Variants in SNPH observed in about 807,000 individuals in gnomAD.
SNPH encodes the protein syntaphilin.
A neutral mutation model predicts 36.8 loss-of-function variants in SNPH; 10 were observed. The observed-to-expected ratio is 0.27, with a 90% CI of 0.17 to 0.46. The LOEUF (loss-of-function observed/expected upper bound fraction) is 0.46, where lower values mean the gene tolerates loss of function less well. Ranked by LOEUF, SNPH falls within the 20% of genes least tolerant of loss-of-function variation. SNPH has a pLI of 1.00. For synonymous variants in SNPH, 281 were observed against 312.2 expected (o/e 0.90, Z 1.05); for missense variants, 622 against 744.0 (o/e 0.84, Z 1.91).
Position 1,304,840 on chromosome 20 carries a change from G to A in SNPH, c.441-38G>A. Reference sequence around the variant, plus strand: ...TCCTTGGCGGTGACAGACCAGGCAGGCAGGCAGTGAGCGTGTGTGTGTCTC... The same window carrying A: ...TCCTTGGCGGTGACAGACCAGGCAGACAGGCAGTGAGCGTGTGTGTGTCTC... On this transcript the variant is annotated intron_variant, in intron 6 of 6. Coordinates refer to ENST00000381867, the MANE Select transcript of SNPH (RefSeq NM_001318234.2). This position sits in a 1 kb window ranked among gnomAD's most constrained non-coding sequence, Gnocchi z 4.3. 3 of 1,583,426 alleles carry A rather than the reference G, an allele frequency of 1.9e-6. No homozygotes were observed. The highest frequency in any genetic ancestry group is 2.6e-6 in the Non-Finnish European group (3 of 1,159,702).
chr20:1,268,334 C>T (rs1017786551), intron 2 of SNPH, among the ~76,000 whole-genome samples: 1 of 152,176 alleles, frequency 6.6e-6, no homozygotes, highest in African/African-American at 2.4e-5. Flanking sequence ...ATCAGGTCTT[C>T]CGGATCTCAC....
chr20:1,273,206 A>C (rs1396352343), intron 2 of SNPH, among the ~76,000 whole-genome samples: 1 of 152,070 alleles, frequency 6.6e-6, no homozygotes, highest in Non-Finnish European at 1.5e-5. Flanking sequence ...TGCAGAGGAA[A>C]AGTTGGGATC....
At chr20:1,273,573 T>C (rs1327533111) in intron 2 of SNPH, among the ~76,000 whole-genome samples, 2 of 152,036 alleles carry the variant, frequency 1.3e-5, no homozygotes, top group Admixed American at 1.3e-4. Flanking sequence ...GCCTGACACA[T>C]AGAAATATTA....
intron 5 of SNPH, among the ~76,000 whole-genome samples, chr20:1,299,866 C>T (rs2088483501): frequency 1.3e-5 from 2 of 152,208 alleles, no homozygotes; most frequent in South Asian, 4.1e-4. Flanking sequence ...GCATGTAGTG[C>T]TCACCCACGT....
chr20:1,270,462 G>A (rs1288845810), intron 2 of SNPH, among the ~76,000 whole-genome samples: 1 of 152,078 alleles, frequency 6.6e-6, no homozygotes, highest in Admixed American at 6.5e-5. Context: ...TTGGCATTGA[G>A]CTTGTGAATA....
intron 2 of SNPH, among the ~76,000 whole-genome samples, chr20:1,288,518 G>T (rs2088310519): frequency 6.6e-6 from 1 of 152,198 alleles, no homozygotes; most frequent in Non-Finnish European, 1.5e-5. Context: ...AAAGAGCAGT[G>T]CTCCTCATGG....
chr20:1,294,982 C>T lies in SNPH; in HGVS notation c.-465+4C>T, dbSNP rs193257424. 1.4e-3 allele frequency: 220 copies of T among 152,806 alleles called. 3 individuals are homozygous for T. The highest frequency in any genetic ancestry group is 1.7e-3 in the African/African-American group (71 of 41,514). The allele number at this position is 152,806 out of a possible 1,614,324, so 9.5% of individuals were successfully genotyped here. On this transcript the variant is annotated splice_donor_region_variant and intron_variant, in intron 3 of 6. Transcript: ENST00000381867. The surrounding 1 kb of genome is among the most constrained non-coding windows in gnomAD (Gnocchi z 4.4). ...TGAGAGGAGTCAATGGCATAATGTA[C>T]GTAGCGTGGTTGGCACGAGGTCTGG... is the stretch of plus-strand genomic sequence containing the variant.
intron 2 of SNPH, among the ~76,000 whole-genome samples, chr20:1,280,677 C>T (rs1361468407): frequency 1.3e-5 from 2 of 152,178 alleles, no homozygotes; most frequent in African/African-American, 2.4e-5. Context: ...GGTCTCCATA[C>T]TGTACCAGGC....
chr20:1,280,786 T>C (rs1315513335), intron 2 of SNPH, among the ~76,000 whole-genome samples: 1 of 152,180 alleles, frequency 6.6e-6, no homozygotes, highest in Non-Finnish European at 1.5e-5. Flanking sequence ...AGGTCATCTG[T>C]TTGGCTGCCT....
intron 2 of SNPH, among the ~76,000 whole-genome samples, chr20:1,281,340 G>A (rs1304465376): frequency 6.6e-6 from 1 of 152,150 alleles, no homozygotes; most frequent in Non-Finnish European, 1.5e-5. Context: ...TCCATACTTG[G>A]CAGAGCTCGT....
At chr20:1,278,205 T>C (rs1015633553) in intron 2 of SNPH, among the ~76,000 whole-genome samples, 1 of 151,814 alleles carries the variant, frequency 6.6e-6, no homozygotes, top group Non-Finnish European at 1.5e-5. Context: ...TGTGTCAGTG[T>C]CTGTGTGTGT....
At chr20:1,268,553 A>G (rs1306322987) in intron 2 of SNPH, among the ~76,000 whole-genome samples, 2 of 152,130 alleles carry the variant, frequency 1.3e-5, no homozygotes, top group Non-Finnish European at 2.9e-5. Flanking sequence ...GGTTCTCCAT[A>G]GGGTTGGGTG....
Position 1,306,119 on chromosome 20 carries a change from T to G in SNPH, c.*65T>G. ...TGATTGTAGGGATGCCGTTCCCCCC[T>G]CCCTTCTCCCATGGGCATCATCTTA... On this transcript the variant is annotated 3_prime_UTR_variant, in exon 7 of 7. Transcript: ENST00000381867. 8.1e-7 allele frequency: 1 copy of G among 1,233,300 alleles called. No individual in the cohort carries two copies. Among genetic ancestry groups the G allele is most frequent in the Non-Finnish European group, 1.1e-6 (1 of 932,656 alleles). 76.4% of individuals were successfully genotyped at this position (1,233,300 alleles called of 1,614,324 possible). A position where few individuals can be genotyped will look rare whatever the true frequency, so the allele number is the denominator to read the frequency against.
chr20:1,306,002 G>A lies in SNPH; in HGVS notation c.1565G>A (p.Arg522His), dbSNP rs777932184. ...ALHSIRRISC[R>H]SLSQPSPSPA... ...CACTCCATCCGCAGGATCAGCTGCC[G>A]CTCGCTGAGCCAGCCGAGTCCCAGC... Residue 522 changes from arginine (R) to histidine (H), a missense_variant, in exon 7 of 7, where the codon CGC becomes CAC. Arg to His is a conservative substitution (Grantham distance 29). Transcript: ENST00000381867. 37 of 1,528,062 alleles carry A rather than the reference G, an allele frequency of 2.4e-5. No homozygotes were observed. The highest frequency in any genetic ancestry group is 1.7e-4 in the Middle Eastern group (1 of 5,730). 94.7% of individuals were successfully genotyped at this position (1,528,062 alleles called of 1,614,324 possible). A position where few individuals can be genotyped will look rare whatever the true frequency, so the allele number is the denominator to read the frequency against.
intron 2 of SNPH, among the ~76,000 whole-genome samples, chr20:1,271,660 A>C (rs2088074728): frequency 6.6e-6 from 1 of 152,220 alleles, no homozygotes; most frequent in African/African-American, 2.4e-5. Flanking sequence ...GATAGGATAC[A>C]TATAATTGTT....
intron 4 of SNPH, among the ~76,000 whole-genome samples, chr20:1,296,790 C>A (rs1438251052): frequency 2.0e-5 from 3 of 152,224 alleles, no homozygotes; most frequent in African/African-American, 7.2e-5. Context: ...CTGCCCCATT[C>A]TTCTCCACCT....
At chr20:1,271,529 AG>A (rs908520640) in intron 2 of SNPH, among the ~76,000 whole-genome samples, 1 of 152,082 alleles carries the variant, frequency 6.6e-6, no homozygotes, top group Non-Finnish European at 1.5e-5. Flanking sequence ...TTTAGTAGAG[AG>A]GGGGTTTCAC....
chr20:1,273,099 C>T (rs975040443), intron 2 of SNPH, among the ~76,000 whole-genome samples: 6 of 152,168 alleles, frequency 3.9e-5, no homozygotes, highest in African/African-American at 7.2e-5. Flanking sequence ...GAAGCCACGC[C>T]GGCCTTGCAG....
At position 1,266,703 on chromosome 20, in the gene SNPH, G is replaced by T; in HGVS notation, c.-550G>T. 1 of 1,438,512 alleles carries T rather than the reference G, an allele frequency of 7.0e-7. No individual in the cohort carries two copies. The allele number at this position is 1,438,512 out of a possible 1,614,324, so 89.1% of individuals were successfully genotyped here. On this transcript the variant is annotated 5_prime_UTR_variant, in exon 2 of 7. Transcript: ENST00000381867. The surrounding 1 kb of genome is among the most constrained non-coding windows in gnomAD (Gnocchi z 6.0). ...GCAGCAGCGACTGCAGAGGCGCTGC[G>T]CCAAGCCGGGCCGGAGTGGTGCGAG...
Sources: allele counts gnomAD v4.1 joint callset (sites outside exome capture counted in the v4.1 genomes callset), GRCh38; gene constraint gnomAD v4.1.1; non-coding constraint Gnocchi (gnomAD v3.1); transcripts MANE v1.5; gene names NCBI Gene and HGNC (gene_info 2026-07-23, HGNC 2026-07-21).